RBMS3: variants seen among roughly 807,000 people sequenced by gnomAD.
RBMS3 encodes the protein RNA binding motif single stranded interacting protein 3.
RBMS3 carries 27 observed loss-of-function variants against 66.8 expected under a neutral mutation model. The ratio of observed to expected loss-of-function variants is 0.40; its 90% CI spans 0.30 to 0.56. The LOEUF (loss-of-function observed/expected upper bound fraction) is 0.56, where lower values mean the gene tolerates loss of function less well. Ranked by LOEUF, RBMS3 falls within the 20% of genes least tolerant of loss-of-function variation. The probability of loss-of-function intolerance (pLI) is 0.40; values close to 1 mark genes in which losing one functional copy is unlikely to be tolerated. For synonymous variants in RBMS3, 188 were observed against 183.0 expected, an observed-to-expected ratio of 1.03 and a Z score of -0.22; for missense variants, 513 against 549.5, an observed-to-expected ratio of 0.93 and a Z score of 0.66.
At chr3:29,832,996 C>T (rs1177991096) in intron 6 of RBMS3, among the ~76,000 whole-genome samples, 1 of 152,094 alleles carries the variant, frequency 6.6e-6, no homozygotes, top group Non-Finnish European at 1.5e-5. Context: ...CTGGGCACGG[C>T]CACAGAGAAC....
chr3:29,878,122 G>A (rs1280587884), intron 7 of RBMS3, among the ~76,000 whole-genome samples: 1 of 152,000 alleles, frequency 6.6e-6, no homozygotes, highest in Non-Finnish European at 1.5e-5. Flanking sequence ...CCTGTAATGT[G>A]CAGTTCACAA....
rs1577061636 is a variant in RBMS3 at position 29,881,388 on chromosome 3, A to T, written c.745-2774A>T. On this transcript the variant is annotated intron_variant, in intron 7 of 14. Coordinates refer to ENST00000383767, the MANE Select transcript of RBMS3 (RefSeq NM_001003793.3). ...CCAGGCACTGTGCTGGGCGCTTTAC[A>T]AACGTAATCTCTTTTAAATTTCACA... Among the ~76,000 whole-genome samples, 4 of 152,148 alleles carry T rather than the reference A, an allele frequency of 2.6e-5. No homozygotes were observed. In the East Asian group the frequency reaches 7.7e-4, roughly 29 times the overall value.
chr3:29,315,989 T>C (rs1164554114), intron 1 of RBMS3, among the ~76,000 whole-genome samples: 1 of 151,758 alleles, frequency 6.6e-6, no homozygotes, highest in Non-Finnish European at 1.5e-5. Flanking sequence ...TGAATTTACT[T>C]TAGACTGTAA....
chr3:29,670,291 A>C (rs1308261814), intron 4 of RBMS3, among the ~76,000 whole-genome samples: 1 of 152,168 alleles, frequency 6.6e-6, no homozygotes, highest in African/African-American at 2.4e-5. Flanking sequence ...TTCCAGTTCC[A>C]AGAAGGCCAA....
chr3:29,375,325 A>G (rs2038410512), intron 1 of RBMS3, among the ~76,000 whole-genome samples: 1 of 152,198 alleles, frequency 6.6e-6, no homozygotes, highest in Non-Finnish European at 1.5e-5. Flanking sequence ...AAGACACCAA[A>G]AGCAATTGTG....
intron 2 of RBMS3, among the ~76,000 whole-genome samples, chr3:29,450,449 A>G (rs756907117): frequency 1.3e-4 from 20 of 152,208 alleles, no homozygotes; most frequent in Non-Finnish European, 2.4e-4. Context: ...CTTTATGCTA[A>G]TGAACAGTGC....
At chr3:29,525,912 C>A (rs1017601956) in intron 3 of RBMS3, among the ~76,000 whole-genome samples, 1 of 152,082 alleles carries the variant, frequency 6.6e-6, no homozygotes, top group African/African-American at 2.4e-5. Context: ...TGTTTTCCAG[C>A]GATTTTCTGC....
At chr3:29,829,021 T>C (rs375094126) in intron 6 of RBMS3, among the ~76,000 whole-genome samples, 1 of 53,548 alleles carries the variant, frequency 1.9e-5, no homozygotes, top group Non-Finnish European at 5.1e-5. Context: ...TTTCTTTCTT[T>C]CTTTCTTTCT....
At chr3:29,807,799 TG>T (rs2057605104) in intron 6 of RBMS3, among the ~76,000 whole-genome samples, 1 of 151,830 alleles carries the variant, frequency 6.6e-6, no homozygotes, top group African/African-American at 2.4e-5. Context: ...GGGGTGTGTG[TG>T]TGTGTGTGTG....
intron 2 of RBMS3, among the ~76,000 whole-genome samples, chr3:29,483,824 A>C (rs1479602920): frequency 6.6e-6 from 1 of 152,214 alleles, no homozygotes; most frequent in East Asian, 1.9e-4. Context: ...CTTTTCTCCA[A>C]ATCTCCCAGC....
intron 1 of RBMS3, among the ~76,000 whole-genome samples, chr3:29,306,140 G>T (rs1011852697): frequency 4.6e-5 from 7 of 151,858 alleles, no homozygotes; most frequent in African/African-American, 1.7e-4. Flanking sequence ...TGCATGTACG[G>T]CATCTAGTGT....
chr3:29,538,608 A>G (rs188556638), intron 3 of RBMS3, among the ~76,000 whole-genome samples: 1 of 152,354 alleles, frequency 6.6e-6, no homozygotes, highest in African/African-American at 2.4e-5. Flanking sequence ...GCTTAAAAAC[A>G]GTGTTATGGG....
chr3:29,639,407 C>T (rs1046174946), intron 4 of RBMS3, among the ~76,000 whole-genome samples: 1 of 151,704 alleles, frequency 6.6e-6, no homozygotes, highest in Non-Finnish European at 1.5e-5. Context: ...TATAAACACG[C>T]CTAGTGATAC....
At chr3:29,783,434 G>A (rs968134908) in intron 6 of RBMS3, among the ~76,000 whole-genome samples, 2 of 152,060 alleles carry the variant, frequency 1.3e-5, no homozygotes, top group African/African-American at 4.8e-5. Flanking sequence ...CAAGAATTTT[G>A]TATCCAGCAA....
intron 12 of RBMS3, among the ~76,000 whole-genome samples, chr3:29,951,199 A>G (rs1464865371): frequency 6.6e-6 from 1 of 151,908 alleles, no homozygotes; most frequent in African/African-American, 2.4e-5. Flanking sequence ...GCTAATGGGA[A>G]GTTTGTGTGC....
In RBMS3 at chr3:29,518,125, G is replaced by T. The variant is rs145913474; in HGVS notation, c.307+29626G>T. ...AGGGCATTCATTCACATGCACATGG[G>T]TATATACTGAGTGACCATTAGGTGC... On this transcript the variant is annotated intron_variant, in intron 3 of 14. Coordinates refer to ENST00000383767, the MANE Select transcript of RBMS3 (RefSeq NM_001003793.3). Among the ~76,000 whole-genome samples, 46 of 152,230 alleles carry T rather than the reference G, an allele frequency of 3.0e-4. No individual in the cohort carries two copies. The East Asian group carries it at 8.3e-3, about 28-fold the overall frequency.
At chr3:29,340,097 G>A (rs898618348) in intron 1 of RBMS3, among the ~76,000 whole-genome samples, 5 of 152,160 alleles carry the variant, frequency 3.3e-5, no homozygotes, top group African/African-American at 4.8e-5. Context: ...TCAAAGTAAT[G>A]TCAAGCACAT....
At chr3:29,806,554 G>A (rs551875937) in intron 6 of RBMS3, among the ~76,000 whole-genome samples, 1 of 151,894 alleles carries the variant, frequency 6.6e-6, no homozygotes, top group East Asian at 1.9e-4. Flanking sequence ...AATCTGCTTG[G>A]GTAAGCCTCA....
intron 1 of RBMS3, among the ~76,000 whole-genome samples, chr3:29,393,720 T>G (rs1045463653): frequency 6.6e-6 from 1 of 151,718 alleles, no homozygotes; most frequent in Admixed American, 6.6e-5. Flanking sequence ...AGAGAAAGAG[T>G]ACAAAGAGAG....
Sources: gnomAD v4.1 joint callset for allele counts (sites outside exome capture counted in the v4.1 genomes callset) on GRCh38, gnomAD v4.1.1 for gene constraint, MANE v1.5 for transcripts, NCBI Gene and HGNC (gene_info 2026-07-23, HGNC 2026-07-21) for gene names.